The following COL9A1 variants were observed in gnomAD, a reference collection of about 807,000 sequenced individuals.
The protein encoded by COL9A1 is collagen type IX alpha 1 chain.
In COL9A1, 104 loss-of-function variants were observed where a neutral mutation model predicts 142.6. That is an observed-to-expected ratio of 0.73 (90% confidence interval 0.62 to 0.86). The LOEUF (loss-of-function observed/expected upper bound fraction) is 0.86, where lower values mean the gene tolerates loss of function less well. COL9A1 is among the 40% of genes least tolerant of loss of function. COL9A1 has a pLI of 0.00. For synonymous variants in COL9A1, 466 were observed against 396.0 expected, an observed-to-expected ratio of 1.18 and a Z score of -2.10; for missense variants, 1,210 against 1,176.6, an observed-to-expected ratio of 1.03 and a Z score of -0.42.
intron 20 of COL9A1, among the ~76,000 whole-genome samples, chr6:70,257,381 C>T (rs2127578770): frequency 6.6e-6 from 1 of 152,240 alleles, no homozygotes; most frequent in East Asian, 1.9e-4. Context: ...TTTAAGTTAA[C>T]ACTGCACCCA....
chr6:70,280,671 G>A, intron 10 of COL9A1, 141 bp downstream of exon 10: 2 of 1,295,122 alleles, frequency 1.5e-6, no homozygotes, highest in East Asian at 2.5e-5. Flanking sequence ...TCAATCAGGC[G>A]CTGGCAGGAG....
chr6:70,263,405 C>G, intron 18 of COL9A1, 108 bp from the exon 19 acceptor site: 2 of 830,958 alleles, frequency 2.4e-6, no homozygotes, highest in Non-Finnish European at 3.8e-6. Context: ...CTTGGTGACT[C>G]CTGAATTATT....
intron 5 of COL9A1, among the ~76,000 whole-genome samples, chr6:70,291,057 T>C (rs1334340210): frequency 6.6e-6 from 1 of 152,116 alleles, no homozygotes; most frequent in Non-Finnish European, 1.5e-5. Flanking sequence ...GTAGTCATTG[T>C]TCATCTTCAG....
chr6:70,294,895 A>C (rs1299608339), intron 4 of COL9A1, among the ~76,000 whole-genome samples: 1 of 152,226 alleles, frequency 6.6e-6, no homozygotes. Context: ...TCAGCCAAAA[A>C]ATACATTCTT....
intron 5 of COL9A1, among the ~76,000 whole-genome samples, chr6:70,293,691 A>G (rs1405138280): frequency 6.6e-6 from 1 of 151,016 alleles, no homozygotes; most frequent in Non-Finnish European, 1.5e-5. Flanking sequence ...ATATACATAT[A>G]TCATCCAAAT....
chr6:70,299,420 G>C (rs12197495), intron 4 of COL9A1, among the ~76,000 whole-genome samples: 3,405 of 152,134 alleles, frequency 0.022, 59 homozygotes, highest in South Asian at 0.047. Context: ...AAACTAAATT[G>C]CTGAGATTCA....
chr6:70,265,377 T>G (rs1336857311), intron 18 of COL9A1, among the ~76,000 whole-genome samples: 1 of 152,060 alleles, frequency 6.6e-6, no homozygotes, highest in Non-Finnish European at 1.5e-5. Context: ...CTTTACTGCA[T>G]AGAATACCTC....
chr6:70,277,636 A>G (rs769364991), intron 10 of COL9A1, among the ~76,000 whole-genome samples: 385 of 152,334 alleles, frequency 2.5e-3, no homozygotes, highest in Non-Finnish European at 2.2e-3. Flanking sequence ...TCCTTCCAGT[A>G]TTCTGACAGC....
Position 70,234,725 on chromosome 6 carries a change from C to A in COL9A1, c.2259+69G>T, listed in dbSNP as rs1769787373. On this transcript the variant is annotated intron_variant, in intron 34 of 37. Coordinates refer to ENST00000357250, the MANE Select transcript of COL9A1 (RefSeq NM_001851.6). ...AAGAGAACTTGTTGAGAAGCTGATG[C>A]CTAGAACAGCCCTGCTGCTGTGGGA... 6 of 1,608,996 alleles carry A rather than the reference C, an allele frequency of 3.7e-6. No individual in the cohort carries two copies. In the East Asian group the frequency reaches 1.3e-4, roughly 36 times the overall value.
chr6:70,294,361 CT>C lies in COL9A1; in HGVS notation c.501del (p.Ala168ProfsTer17), dbSNP rs1773770614. 6.2e-7 allele frequency: 1 copy of C among 1,614,084 alleles called. No individual in the cohort carries two copies. Among genetic ancestry groups the C allele is most frequent in the Non-Finnish European group, 8.5e-7 (1 of 1,179,982 alleles). On this transcript the variant is annotated frameshift_variant, in exon 5 of 38. Transcript: ENST00000357250. LOFTEE classifies it high-confidence loss of function. Reference protein sequence around the residue: ...YKGLDGSLQTAAFSNLSSLFD... With the variant: ...YKGLDGSLQTXAFSNLSSLFD... Reference sequence around the variant, plus strand: ...AACAAGGAGGACAAATTCGAAAAGGCTGCTGTTTGGAGACTTCCATCCAGTC... The same window carrying C: ...AACAAGGAGGACAAATTCGAAAAGGCGCTGTTTGGAGACTTCCATCCAGTC...
intron 10 of COL9A1, 51 bp downstream of exon 10, chr6:70,280,761 T>A: frequency 6.4e-7 from 1 of 1,557,478 alleles, no homozygotes; most frequent in Non-Finnish European, 8.8e-7. Flanking sequence ...CACTTACTCG[T>A]ACCCACCACA....
At chr6:70,271,756 A>C (rs542938370) in intron 13 of COL9A1, 48 bp from the exon 14 acceptor site, 9 of 1,497,380 alleles carry the variant, frequency 6.0e-6, no homozygotes, top group Middle Eastern at 1.7e-4. Flanking sequence ...ATATTTTTAC[A>C]ATCTATCATA....
chr6:70,234,441 A>G (rs1261832555), intron 35 of COL9A1, 98 bp downstream of exon 35: 2 of 1,295,506 alleles, frequency 1.5e-6, no homozygotes, highest in Admixed American at 1.8e-5. Flanking sequence ...AAGGCACACA[A>G]AAAGTCACTC....
At chr6:70,219,554 C>T (rs946231002) in intron 37 of COL9A1, among the ~76,000 whole-genome samples, 9 of 152,224 alleles carry the variant, frequency 5.9e-5, no homozygotes, top group African/African-American at 1.9e-4. Flanking sequence ...AATTCCCCCA[C>T]TGTTTTTACC....
Position 70,229,872 on chromosome 6 carries a change from C to A in COL9A1, c.2503+2711G>T, listed in dbSNP as rs78754368. On this transcript the variant is annotated intron_variant, in intron 36 of 37. Coordinates refer to ENST00000357250, the MANE Select transcript of COL9A1 (RefSeq NM_001851.6). ...GACTATGATTTGAGGCATATTTCTA[C>A]TAGTTCCTATTGAAAATGTTCTACT... 2.5e-3 allele frequency among the ~76,000 whole-genome samples: 379 copies of A among 152,272 alleles called. 9 individuals are homozygous for A. The East Asian group carries it at 0.064, about 26-fold the overall frequency.
chr6:70,287,281 C>T (rs1321860426), intron 5 of COL9A1, among the ~76,000 whole-genome samples: 2 of 151,896 alleles, frequency 1.3e-5, no homozygotes. Flanking sequence ...ATTTTTTTTT[C>T]ACCTTGACTT....
intron 36 of COL9A1, 133 bp from the exon 37 acceptor site, chr6:70,226,142 GTA>G: frequency 4.1e-6 from 3 of 740,192 alleles, no homozygotes; most frequent in Non-Finnish European, 6.8e-6. Flanking sequence ...ATTGTAGTGA[GTA>G]TGTAGCAAGG....
intron 31 of COL9A1, 44 bp downstream of exon 31, chr6:70,241,375 A>G: frequency 2.0e-6 from 3 of 1,511,686 alleles, no homozygotes; most frequent in Non-Finnish European, 2.8e-6. Flanking sequence ...GAAATGGTGC[A>G]TATCAAACAT....
At chr6:70,257,357 C>T (rs548184102) in intron 20 of COL9A1, among the ~76,000 whole-genome samples, 1 of 152,280 alleles carries the variant, frequency 6.6e-6, no homozygotes, top group Non-Finnish European at 1.5e-5. Flanking sequence ...CTGCACCCAG[C>T]CCAGTCTGTA....
Sources: gnomAD v4.1 joint callset for allele counts (sites outside exome capture counted in the v4.1 genomes callset) on GRCh38, gnomAD v4.1.1 for gene constraint, MANE v1.5 for transcripts, NCBI Gene and HGNC (gene_info 2026-07-23, HGNC 2026-07-21) for gene names.